The following DLEC1 variants were observed in gnomAD, a reference collection of about 807,000 sequenced individuals.
The protein encoded by DLEC1 is deleted in lung and esophageal cancer protein 1.
A neutral mutation model predicts 198.1 loss-of-function variants in DLEC1; 146 were observed. The ratio of observed to expected loss-of-function variants is 0.74; its 90% confidence interval spans 0.64 to 0.85. The LOEUF (loss-of-function observed/expected upper bound fraction) is 0.85, where lower values mean the gene tolerates loss of function less well. Ranked by LOEUF, DLEC1 falls within the 40% of genes least tolerant of loss-of-function variation. DLEC1 has a pLI of 0.00. For missense variants in DLEC1, 2,233 were observed against 2,220.0 expected (o/e 1.01, Z -0.12); for synonymous variants, 897 against 866.8 (o/e 1.03, Z -0.61).
intron 27 of DLEC1, 26 bp from the exon 28 acceptor site, chr3:38,116,426 TC>T: frequency 6.2e-7 from 1 of 1,613,286 alleles, no homozygotes. Context: ...CCCTTATTCC[TC>T]ACCCTGCTCC....
intron 34 of DLEC1, 113 bp from the exon 35 acceptor site, chr3:38,121,515 C>T: frequency 2.9e-6 from 4 of 1,385,194 alleles, no homozygotes; most frequent in African/African-American, 1.4e-5. Flanking sequence ...CTTCTGGGAG[C>T]TTCCCGTTTT....
chr3:38,123,186 G>T lies in DLEC1; in HGVS notation c.*774G>T. On this transcript the variant is annotated 3_prime_UTR_variant, in exon 37 of 37. Coordinates refer to ENST00000308059, the MANE Select transcript of DLEC1 (RefSeq NM_007335.4). ...CACCAAATTACCTCCAGACCAGGCT[G>T]ACCCAGAAGGACGTCATGGACAAGT... is the stretch of plus-strand genomic sequence containing the variant. 6.8e-7 allele frequency: 1 copy of T among 1,480,446 alleles called. No individual in the cohort carries two copies. Among genetic ancestry groups the T allele is most frequent in the Non-Finnish European group, 9.4e-7 (1 of 1,059,548 alleles). The allele number at this position is 1,480,446 out of a possible 1,614,324, so 91.7% of individuals were successfully genotyped here. A position where few individuals can be genotyped will look rare whatever the true frequency, so the allele number is the denominator to read the frequency against.
chr3:38,064,659 C>T (rs1360338371), intron 6 of DLEC1, among the ~76,000 whole-genome samples: 5 of 149,914 alleles, frequency 3.3e-5, no homozygotes, highest in Admixed American at 6.6e-5. Context: ...ACCTCCCGGA[C>T]GGGGTGGCTG....
chr3:38,053,433 C>T (rs1304027432), intron 2 of DLEC1, among the ~76,000 whole-genome samples: 1 of 152,056 alleles, frequency 6.6e-6, no homozygotes, highest in Non-Finnish European at 1.5e-5. Context: ...GCGCCTCTGC[C>T]CGGCCGCGAC....
At chr3:38,084,069 C>G (rs1418687169) in intron 6 of DLEC1, 89 bp from the exon 7 acceptor site, 3 of 1,301,320 alleles carry the variant, frequency 2.3e-6, no homozygotes, top group Admixed American at 1.8e-5. Flanking sequence ...TACCTCTACC[C>G]CCTTCTCATA....
chr3:38,055,331 CAGG>C (rs1696300282), intron 2 of DLEC1, among the ~76,000 whole-genome samples: 3 of 152,172 alleles, frequency 2.0e-5, no homozygotes, highest in African/African-American at 7.2e-5. Context: ...CATGAAACTG[CAGG>C]ACACCAAGTG....
chr3:38,045,973 T>G (rs994995150), intron 2 of DLEC1, among the ~76,000 whole-genome samples: 1 of 152,202 alleles, frequency 6.6e-6, no homozygotes, highest in Non-Finnish European at 1.5e-5. Context: ...CCACAGATAC[T>G]TGTCAACCTA....
At chr3:38,049,804 A>G (rs959952669) in intron 2 of DLEC1, among the ~76,000 whole-genome samples, 1 of 152,208 alleles carries the variant, frequency 6.6e-6, no homozygotes, top group African/African-American at 2.4e-5. Context: ...TTATCTTTTG[A>G]TATTTTAAAT....
chr3:38,107,486 C>T (rs1330318734), intron 19 of DLEC1, 98 bp from the exon 20 acceptor site: 5 of 1,282,504 alleles, frequency 3.9e-6, no homozygotes, highest in East Asian at 2.7e-5. Context: ...ATATAGATAC[C>T]TTGGGATTTT....
At chr3:38,100,885 A>C (rs1402688515) in intron 19 of DLEC1, among the ~76,000 whole-genome samples, 3 of 152,226 alleles carry the variant, frequency 2.0e-5, no homozygotes, top group African/African-American at 7.2e-5. Flanking sequence ...TTAAATAAGC[A>C]CATACCATTG....
chr3:38,109,422 T>C lies in DLEC1; in HGVS notation c.3130-10T>C. The C allele has an allele frequency of 6.2e-7, 1 of 1,614,080 alleles. No individual in the cohort carries two copies. Among genetic ancestry groups the C allele is most frequent in the South Asian group, 1.1e-5 (1 of 91,088 alleles). On this transcript the variant is annotated splice_polypyrimidine_tract_variant and intron_variant, in intron 21 of 36. Coordinates refer to ENST00000308059, the MANE Select transcript of DLEC1 (RefSeq NM_007335.4). ...GGCCTGGTCTGACCCCTGGATGGGC[T>C]TTCTTATAGGAAGAGCTGACCCATC...
chr3:38,068,431 A>G lies in DLEC1; in HGVS notation c.1173+4512A>G, dbSNP rs188786916. Among the ~76,000 whole-genome samples the G allele has an allele frequency of 1.3e-3, 203 of 152,040 alleles. 1 individual carries two copies. The highest frequency in any genetic ancestry group is 4.5e-3 in the African/African-American group (186 of 41,446). On this transcript the variant is annotated intron_variant, in intron 6 of 36. Transcript: ENST00000308059. ...TTTTTTGTATAGACGGGTTTTTGCT[A>G]TGTTGCCCAGGCTGGTTTCAAACTC...
At chr3:38,072,128 A>T (rs1446544958) in intron 6 of DLEC1, among the ~76,000 whole-genome samples, 1 of 152,222 alleles carries the variant, frequency 6.6e-6, no homozygotes, top group Non-Finnish European at 1.5e-5. Context: ...AGATGCAGTC[A>T]TGAGGGTCAG....
In DLEC1 at chr3:38,112,512, G is replaced by A. The variant is rs1469341888; in HGVS notation, c.3666+151G>A. On this transcript the variant is annotated intron_variant, in intron 25 of 36. Transcript: ENST00000308059. The surrounding 1 kb of genome is among the most constrained non-coding windows in gnomAD (Gnocchi z 4.8). ...CCCACCGAGCTTGGGATGGGCATTC[G>A]TGTCTGAGGCAGCCTCTGGGGTTCT... is the stretch of plus-strand genomic sequence containing the variant. The A allele has an allele frequency of 1.3e-5, 16 of 1,188,902 alleles. No individual in the cohort carries two copies. Among genetic ancestry groups the A allele is most frequent in the Non-Finnish European group, 1.5e-5 (13 of 848,546 alleles). The allele number at this position is 1,188,902 out of a possible 1,614,324, so 73.6% of individuals were successfully genotyped here. A position where few individuals can be genotyped will look rare whatever the true frequency, so the allele number is the denominator to read the frequency against.
At position 38,122,579 on chromosome 3, in the gene DLEC1, C is replaced by CATG. The variant is rs61108705; in HGVS notation, c.*170_*172dup. The CATG allele has an allele frequency of 6.3e-7, 1 of 1,597,172 alleles. No individual in the cohort carries two copies. Among genetic ancestry groups the CATG allele is most frequent in the Non-Finnish European group, 8.5e-7 (1 of 1,174,228 alleles). On this transcript the variant is annotated 3_prime_UTR_variant, in exon 37 of 37. Transcript: ENST00000308059. ...CCACAATGGTCTCAGCCTAGGCCCT[C>CATG]ATGATATGTCCTCAGAGCTAACATA... is the stretch of plus-strand genomic sequence containing the variant.
At chr3:38,058,092 G>A (rs1020621206) in intron 2 of DLEC1, among the ~76,000 whole-genome samples, 6 of 152,098 alleles carry the variant, frequency 3.9e-5, no homozygotes, top group African/African-American at 1.2e-4. Flanking sequence ...ATGAGCCACC[G>A]TGCCCGGCCC....
rs754820344 is a variant in DLEC1 at position 38,059,722 on chromosome 3, T to G, written c.563-20T>G. 1.2e-5 allele frequency: 20 copies of G among 1,600,428 alleles called. No individual in the cohort carries two copies. Among genetic ancestry groups the G allele is most frequent in the Non-Finnish European group, 1.6e-5 (19 of 1,171,148 alleles). ...CAGTCTGGCTGGAAACACCTTGTTC[T>G]CCCCTTCCCTTCTATGAAGTGAAGA... is the stretch of plus-strand genomic sequence containing the variant. On this transcript the variant is annotated intron_variant, in intron 2 of 36. Coordinates refer to ENST00000308059, the MANE Select transcript of DLEC1 (RefSeq NM_007335.4).
At chr3:38,040,757 G>GT (rs1436363732) in intron 1 of DLEC1, among the ~76,000 whole-genome samples, 9 of 152,154 alleles carry the variant, frequency 5.9e-5, no homozygotes, top group South Asian at 2.1e-4. Context: ...TATCTTCTCA[G>GT]TATCTGTCCC....
chr3:38,071,598 T>C (rs1697320920), intron 6 of DLEC1, among the ~76,000 whole-genome samples: 1 of 152,244 alleles, frequency 6.6e-6, no homozygotes, highest in South Asian at 2.1e-4. Flanking sequence ...AAACTGGCCC[T>C]GAGGGACAGA....
Sources: gnomAD v4.1 joint callset for allele counts (sites outside exome capture counted in the v4.1 genomes callset) on GRCh38, gnomAD v4.1.1 for gene constraint, Gnocchi (gnomAD v3.1) non-coding constraint, MANE v1.5 for transcripts, NCBI Gene and HGNC (gene_info 2026-07-23, HGNC 2026-07-21) for gene names.